Variants in KAZN observed in about 807,000 individuals in gnomAD.
KAZN encodes kazrin.
In KAZN, 40 loss-of-function variants were observed where a neutral mutation model predicts 87.4. That is an observed-to-expected ratio of 0.46 (90% CI 0.36 to 0.60). The LOEUF is 0.60. Ranked by LOEUF, KAZN falls within the 20% of genes least tolerant of loss-of-function variation. KAZN has a pLI of 0.00. For missense variants in KAZN, 898 were observed against 1,073.9 expected (o/e 0.84, Z 2.29); for synonymous variants, 466 against 458.3 (o/e 1.02, Z -0.22).
At chr1:14,868,608 C>T (rs530147471) in intron 1 of KAZN, among the ~76,000 whole-genome samples, 1 of 151,694 alleles carries the variant, frequency 6.6e-6, no homozygotes, top group Admixed American at 6.6e-5. Flanking sequence ...AACATCTGGG[C>T]AGACTTTGAG....
At chr1:14,842,092 C>T (rs985131904) in intron 1 of KAZN, among the ~76,000 whole-genome samples, 10 of 152,224 alleles carry the variant, frequency 6.6e-5, no homozygotes, top group Non-Finnish European at 1.5e-4. Flanking sequence ...CTCTCTTTCT[C>T]ACTTATGCTA....
intron 1 of KAZN, among the ~76,000 whole-genome samples, chr1:13,980,368 A>G (rs1638602285): frequency 6.6e-6 from 1 of 152,198 alleles, no homozygotes; most frequent in African/African-American, 2.4e-5. Context: ...ACATATAACT[A>G]TATGCTGCTG....
intron 2 of KAZN, among the ~76,000 whole-genome samples, chr1:14,543,267 T>TA (rs1220660853): frequency 6.6e-6 from 1 of 152,222 alleles, no homozygotes; most frequent in Non-Finnish European, 1.5e-5. Flanking sequence ...TGGCTGGAGA[T>TA]ATTGAAGGGA....
chr1:15,086,024 G>A (rs959939163), intron 8 of KAZN, among the ~76,000 whole-genome samples: 6 of 152,154 alleles, frequency 3.9e-5, no homozygotes, highest in South Asian at 2.1e-4. Context: ...AGGCTGGAGT[G>A]CAGTGGTGCG....
intron 2 of KAZN, among the ~76,000 whole-genome samples, chr1:14,384,659 A>G (rs993717058): frequency 1.7e-4 from 26 of 152,096 alleles, no homozygotes; most frequent in African/African-American, 6.0e-4. Flanking sequence ...CATCCCAGGG[A>G]TGAAGCCCAC....
chr1:14,085,684 A>G (rs1377443432), intron 1 of KAZN, among the ~76,000 whole-genome samples: 2 of 152,058 alleles, frequency 1.3e-5, no homozygotes, highest in East Asian at 3.9e-4. Flanking sequence ...GGCTCCTCCT[A>G]GTTTTAGGCA....
chr1:14,417,880 C>T (rs889877728), intron 2 of KAZN, among the ~76,000 whole-genome samples: 1 of 151,268 alleles, frequency 6.6e-6, no homozygotes, highest in African/African-American at 2.4e-5. Flanking sequence ...CCTGTAGTCC[C>T]AGCTACTCGG....
intron 1 of KAZN, among the ~76,000 whole-genome samples, chr1:14,065,445 C>T (rs1199266276): frequency 6.6e-6 from 1 of 152,108 alleles, no homozygotes. Context: ...AAAAAGCTCG[C>T]TCACCTTTGA....
chr1:14,327,474 C>T (rs1469641295), intron 2 of KAZN, among the ~76,000 whole-genome samples: 7 of 152,196 alleles, frequency 4.6e-5, no homozygotes, highest in Non-Finnish European at 1.0e-4. Flanking sequence ...GCCTCAGTCT[C>T]TCCCTCGTCT....
At chr1:14,041,319 T>C (rs1641831228) in intron 1 of KAZN, among the ~76,000 whole-genome samples, 1 of 152,222 alleles carries the variant, frequency 6.6e-6, no homozygotes, top group African/African-American at 2.4e-5. Flanking sequence ...TATGCAGATA[T>C]TGTTTACTTC....
At chr1:14,039,887 C>T (rs551664032) in intron 1 of KAZN, among the ~76,000 whole-genome samples, 1 of 152,328 alleles carries the variant, frequency 6.6e-6, no homozygotes, top group South Asian at 2.1e-4. Flanking sequence ...TTCCAATAGA[C>T]AAGCTTGTAC....
chr1:14,135,803 A>G (rs1409216700), intron 1 of KAZN, among the ~76,000 whole-genome samples: 2 of 152,220 alleles, frequency 1.3e-5, no homozygotes, highest in African/African-American at 2.4e-5. Flanking sequence ...GCTCAAGTTT[A>G]ACATGTGGAT....
intron 2 of KAZN, among the ~76,000 whole-genome samples, chr1:14,392,056 A>C (rs1236952879): frequency 6.8e-6 from 1 of 147,884 alleles, no homozygotes; most frequent in Non-Finnish European, 1.5e-5. Flanking sequence ...CACTGATTCC[A>C]GCAGGAACAA....
intron 2 of KAZN, among the ~76,000 whole-genome samples, chr1:14,273,542 G>A (rs1652114394): frequency 6.6e-6 from 1 of 152,052 alleles, no homozygotes; most frequent in Admixed American, 6.6e-5. Context: ...AAAATATACA[G>A]TTAAAAAAAA....
At chr1:14,803,132 T>A (rs898006259) in intron 1 of KAZN, among the ~76,000 whole-genome samples, 2 of 152,150 alleles carry the variant, frequency 1.3e-5, no homozygotes, top group Non-Finnish European at 2.9e-5. Context: ...TACTGAGGGC[T>A]CCTTATAAGA....
chr1:14,048,144 T>C (rs1642157439), intron 1 of KAZN, among the ~76,000 whole-genome samples: 1 of 152,206 alleles, frequency 6.6e-6, no homozygotes, highest in Non-Finnish European at 1.5e-5. Context: ...GTACCTACCT[T>C]GTTGAGTTTT....
At chr1:14,166,678 A>G (rs1276710479) in intron 1 of KAZN, among the ~76,000 whole-genome samples, 3 of 152,198 alleles carry the variant, frequency 2.0e-5, no homozygotes, top group Non-Finnish European at 4.4e-5. Context: ...ATATATTTTA[A>G]CAAATTTTGA....
At chr1:14,299,862 G>GT (rs1458198258) in intron 2 of KAZN, among the ~76,000 whole-genome samples, 2 of 152,222 alleles carry the variant, frequency 1.3e-5, no homozygotes, top group Non-Finnish European at 2.9e-5. Flanking sequence ...AGAACAGGGA[G>GT]TGTACAGGGA....
chr1:14,049,833 GC>G, intron 1 of KAZN, among the ~76,000 whole-genome samples: 1 of 152,346 alleles, frequency 6.6e-6, no homozygotes, highest in South Asian at 2.1e-4. Context: ...TAGACAAGAA[GC>G]CAGACATTGA....
Sources: allele counts gnomAD v4.1 joint callset (sites outside exome capture counted in the v4.1 genomes callset), GRCh38; gene constraint gnomAD v4.1.1; transcripts MANE v1.5; gene names NCBI Gene and HGNC (gene_info 2026-07-23, HGNC 2026-07-21).